JMY: variants seen among roughly 807,000 people sequenced by gnomAD.
JMY encodes junction-mediating and -regulatory protein.
A neutral mutation model predicts 103.3 loss-of-function variants in JMY; 46 were observed. That is an observed-to-expected ratio of 0.45 (90% CI 0.35 to 0.57). The LOEUF is 0.57. Ranked by LOEUF, JMY falls within the 20% of genes least tolerant of loss-of-function variation. The pLI, the probability that JMY is intolerant of heterozygous loss-of-function variation, is 0.00. For synonymous variants in JMY, 526 were observed against 489.3 expected (o/e 1.07, Z -0.99); for missense variants, 1,238 against 1,255.2 (o/e 0.99, Z 0.21).
At chr5:79,274,079 T>G (rs1185915250) in intron 1 of JMY, among the ~76,000 whole-genome samples, 1 of 152,168 alleles carries the variant, frequency 6.6e-6, no homozygotes, top group African/African-American at 2.4e-5. Flanking sequence ...TCTGCCCGCC[T>G]TGACCTCCCT....
chr5:79,313,935 TG>T lies in JMY; in HGVS notation c.2065-321del, dbSNP rs1474660920. Among the ~76,000 whole-genome samples, 14 of 152,352 alleles carry T rather than the reference TG, an allele frequency of 9.2e-5. No homozygotes were observed. In the Middle Eastern group the frequency reaches 0.017, roughly 185 times the overall value. ...GTGCGGTGGCACAATCTCGGCTCAC[TG>T]CAACTTCCGCCTCCCGGGTTCAAGC... On this transcript the variant is annotated intron_variant, in intron 8 of 10. Coordinates refer to ENST00000396137, the MANE Select transcript of JMY (RefSeq NM_152405.5).
intron 1 of JMY, among the ~76,000 whole-genome samples, chr5:79,276,052 A>G (rs1321996973): frequency 6.6e-6 from 1 of 152,206 alleles, no homozygotes; most frequent in African/African-American, 2.4e-5. Context: ...CAGCAGGTAA[A>G]TGGAGTCCAT....
At chr5:79,249,686 C>T (rs568036833) in intron 1 of JMY, among the ~76,000 whole-genome samples, 1 of 152,256 alleles carries the variant, frequency 6.6e-6, no homozygotes, top group African/African-American at 2.4e-5. Flanking sequence ...TAATGTTTTT[C>T]TCTTTTCATT....
At chr5:79,286,568 G>A (rs952231429) in intron 2 of JMY, among the ~76,000 whole-genome samples, 1 of 151,904 alleles carries the variant, frequency 6.6e-6, no homozygotes, top group Non-Finnish European at 1.5e-5. Flanking sequence ...GCTTGAGACC[G>A]GGAGTTGGAG....
chr5:79,287,244 G>A (rs1483579515), intron 2 of JMY, among the ~76,000 whole-genome samples: 1 of 152,186 alleles, frequency 6.6e-6, no homozygotes, highest in Admixed American at 6.5e-5. Flanking sequence ...GAAGTCAAGG[G>A]ATGCAGATAG....
Position 79,291,269 on chromosome 5 carries a change from G to A in JMY, c.1497G>A (p.Leu499=). ...TGATGAGAGCTAAAGAGATATGCTT[G>A]GAACAGCGGAAACATGCACTAAAGG... ...LQMMRAKEIC[L]EQRKHALKEE... is the part of the protein sequence containing the mutation. Residue 499 remains leucine, a synonymous_variant, in exon 4 of 11, where the codon TTG becomes TTA. Coordinates refer to ENST00000396137, the MANE Select transcript of JMY (RefSeq NM_152405.5). 1 of 1,597,678 alleles carries A rather than the reference G, an allele frequency of 6.3e-7. No individual in the cohort carries two copies. Among genetic ancestry groups the A allele is most frequent in the Non-Finnish European group, 8.5e-7 (1 of 1,174,302 alleles).
chr5:79,271,139 C>T (rs751206593), intron 1 of JMY, among the ~76,000 whole-genome samples: 1 of 151,630 alleles, frequency 6.6e-6, no homozygotes, highest in Non-Finnish European at 1.5e-5. Context: ...GATCAGGACT[C>T]ACTGCAGCCT....
intron 1 of JMY, among the ~76,000 whole-genome samples, chr5:79,263,829 C>T (rs1342396421): frequency 1.3e-5 from 2 of 151,526 alleles, no homozygotes; most frequent in Non-Finnish European, 2.9e-5. Flanking sequence ...CAGAGTTTCA[C>T]TCTTGTCGCC....
chr5:79,245,798 G>A (rs1334899246), intron 1 of JMY, among the ~76,000 whole-genome samples: 2 of 152,040 alleles, frequency 1.3e-5, no homozygotes. Context: ...GCTAATTTTT[G>A]TATTTTTAAT....
chr5:79,318,160 C>A lies in JMY; in HGVS notation c.*3+1850C>A, dbSNP rs191733035. Among the ~76,000 whole-genome samples the A allele has an allele frequency of 6.2e-3, 892 of 143,722 alleles. 8 individuals carry two copies. The highest frequency in any genetic ancestry group is 7.2e-3 in the Non-Finnish European group (469 of 65,546). The allele number at this position is 143,722 out of a possible 152,430, so 94.3% of individuals were successfully genotyped here. A position where few individuals can be genotyped will look rare whatever the true frequency, so the allele number is the denominator to read the frequency against. On this transcript the variant is annotated intron_variant, in intron 10 of 10. Coordinates refer to ENST00000396137, the MANE Select transcript of JMY (RefSeq NM_152405.5). ...GGGATTACAGGCGACTGCCATGATGCCCGGCTCTTTTTTCTTTTTTTTTTT... is the reference window on the plus strand; with the variant it reads ...GGGATTACAGGCGACTGCCATGATGACCGGCTCTTTTTTCTTTTTTTTTTT...
At position 79,237,335 on chromosome 5, in the gene JMY, T is replaced by C; in HGVS notation, c.685T>C (p.Trp229Arg). 1 of 1,598,700 alleles carries C rather than the reference T, an allele frequency of 6.3e-7. No individual in the cohort carries two copies. The highest frequency in any genetic ancestry group is 1.1e-5 in the South Asian group (1 of 89,426). The change falls in exon 1 of 11, where the codon TGG becomes CGG. Residue 229 changes from tryptophan to arginine, a missense_variant. By Grantham distance (101) the Trp-to-Arg change is moderately radical (BLOSUM62 -3). Transcript: ENST00000396137. Reference sequence around the variant, plus strand: ...GGAGTCTCCGGCCGAAGAGTGCAGCTGGGCCGGACTGTTTTCTTTCCAGGA... The same window carrying C: ...GGAGTCTCCGGCCGAAGAGTGCAGCCGGGCCGGACTGTTTTCTTTCCAGGA... ...ELESPAEECS[W>R]AGLFSFQDLR...
chr5:79,278,585 CAA>C (rs34278536), intron 2 of JMY, among the ~76,000 whole-genome samples: 18 of 57,294 alleles, frequency 3.1e-4, no homozygotes, highest in African/African-American at 8.2e-4. Flanking sequence ...CCCGTCTCTA[CAA>C]AAAAAAAAAA....
rs375367820 is a variant in JMY, at chr5:79,303,102, C to T, written c.1881+2239C>T. Among the ~76,000 whole-genome samples the T allele has an allele frequency of 1.3e-4, 20 of 152,264 alleles. 1 individual carries two copies. Among genetic ancestry groups the T allele is most frequent in the Admixed American group, 5.9e-4 (9 of 15,286 alleles). Reference sequence around the variant, plus strand: ...GGGAGGTGATAAGCTGAGTTTTAGACTTGCATATAAGAGGTCTTGGGCATC... The same window carrying T: ...GGGAGGTGATAAGCTGAGTTTTAGATTTGCATATAAGAGGTCTTGGGCATC... On this transcript the variant is annotated intron_variant, in intron 6 of 10. Coordinates refer to ENST00000396137, the MANE Select transcript of JMY (RefSeq NM_152405.5).
At chr5:79,270,182 A>G (rs1332901881) in intron 1 of JMY, among the ~76,000 whole-genome samples, 2 of 151,760 alleles carry the variant, frequency 1.3e-5, no homozygotes, top group South Asian at 2.1e-4. Flanking sequence ...TTTCAGTACT[A>G]TGTTAAATAG....
At chr5:79,310,440 A>G (rs1252720428) in intron 7 of JMY, among the ~76,000 whole-genome samples, 4 of 152,200 alleles carry the variant, frequency 2.6e-5, no homozygotes, top group African/African-American at 9.6e-5. Flanking sequence ...GTTGGAATAT[A>G]TAATTGTCAG....
intron 4 of JMY, among the ~76,000 whole-genome samples, chr5:79,291,636 A>G (rs1296451242): frequency 1.3e-5 from 2 of 152,220 alleles, no homozygotes; most frequent in African/African-American, 4.8e-5. Context: ...AAATTCAGTA[A>G]AATTTCTAAG....
At chr5:79,252,504 CCA>C (rs1385860843) in intron 1 of JMY, among the ~76,000 whole-genome samples, 9 of 151,982 alleles carry the variant, frequency 5.9e-5, no homozygotes, top group Admixed American at 5.9e-4. Flanking sequence ...CAAATTAAGT[CCA>C]GTGTTTCTTT....
At chr5:79,301,316 C>T (rs565832299) in intron 6 of JMY, among the ~76,000 whole-genome samples, 15 of 152,314 alleles carry the variant, frequency 9.8e-5, no homozygotes, top group African/African-American at 3.4e-4. Context: ...ATGTTTTGCA[C>T]TCTAGTCCAG....
intron 1 of JMY, 100 bp downstream of exon 1, chr5:79,237,782 G>A: frequency 9.1e-7 from 1 of 1,093,976 alleles, no homozygotes; most frequent in Non-Finnish European, 1.3e-6. Context: ...GCAGTAGGAC[G>A]GTTGTTTTTC....
Sources: allele counts gnomAD v4.1 joint callset (sites outside exome capture counted in the v4.1 genomes callset), GRCh38; gene constraint gnomAD v4.1.1; transcripts MANE v1.5; gene names NCBI Gene and HGNC (gene_info 2026-07-23, HGNC 2026-07-21).